The following PHF2 variants were observed in gnomAD, a reference collection of about 807,000 sequenced individuals.
PHF2 encodes lysine-specific demethylase PHF2.
Under a neutral mutation model 120.5 loss-of-function variants are expected in PHF2, and 27 were observed. That is an observed-to-expected ratio of 0.22 (90% CI 0.17 to 0.31). The LOEUF (loss-of-function observed/expected upper bound fraction) is 0.31, where lower values mean the gene tolerates loss of function less well. Ranked by LOEUF, PHF2 falls within the 10% of genes least tolerant of loss-of-function variation. The pLI, the probability that PHF2 is intolerant of heterozygous loss-of-function variation, is 1.00. For missense variants in PHF2, 1,024 were observed against 1,434.8 expected, an observed-to-expected ratio of 0.71 and a Z score of 4.63; for synonymous variants, 568 against 592.5, an observed-to-expected ratio of 0.96 and a Z score of 0.60.
In PHF2 at chr9:93,630,088, C is replaced by T. The variant is rs751425089; in HGVS notation, c.184+33C>T. 91 of 1,593,364 alleles carry T rather than the reference C, an allele frequency of 5.7e-5. No homozygotes were observed. In the East Asian group the frequency reaches 1.6e-3, roughly 27 times the overall value. ...CCGCAGCCCAAGCGGCCATCTCTTG[C>T]GGAAGAGAGCAGCATCCACCCTGCC... On this transcript the variant is annotated intron_variant, in intron 2 of 21. Transcript: ENST00000359246.
In PHF2 at chr9:93,677,016, TG is replaced by T; in HGVS notation, c.3202+56del. On this transcript the variant is annotated intron_variant, in intron 21 of 21. Transcript: ENST00000359246. This position sits in a 1 kb window ranked among gnomAD's most constrained non-coding sequence, Gnocchi z 4.4. Reference sequence around the variant, plus strand: ...AGCCCCCCTGCCCTGCCTGCCCCCATGGGCAGCCCCAGACATGCAGACTCGG... The same window carrying T: ...AGCCCCCCTGCCCTGCCTGCCCCCATGGCAGCCCCAGACATGCAGACTCGG... 1.4e-6 allele frequency: 2 copies of T among 1,457,772 alleles called. No individual in the cohort carries two copies. Among genetic ancestry groups the T allele is most frequent in the Non-Finnish European group, 1.8e-6 (2 of 1,095,658 alleles). The allele number at this position is 1,457,772 out of a possible 1,614,324, so 90.3% of individuals were successfully genotyped here.
chr9:93,617,065 G>A (rs1308711417), intron 1 of PHF2, among the ~76,000 whole-genome samples: 3 of 152,196 alleles, frequency 2.0e-5, no homozygotes, highest in Non-Finnish European at 2.9e-5. Context: ...TGTGCTGTTC[G>A]GGAGATCATT....
Position 93,658,178 on chromosome 9 carries a change from A to T in PHF2, c.1181A>T (p.His394Leu), listed in dbSNP as rs182210348. 1 of 1,613,322 alleles carries T rather than the reference A, an allele frequency of 6.2e-7. No homozygotes were observed. The highest frequency in any genetic ancestry group is 1.7e-5 in the Admixed American group (1 of 59,958). Residue 394 changes from histidine to leucine, a missense_variant, in exon 10 of 22, where the codon CAT becomes CTT. Physicochemically the swap from His to Leu is moderately conservative, Grantham distance 99 (BLOSUM62 -3). Coordinates refer to ENST00000359246, the MANE Select transcript of PHF2 (RefSeq NM_005392.4). ...AAATCTGGGAAGCAGCTGCCCCCTC[A>T]TCTAGTCCAAGGAGCTAAAATTCTC... is the stretch of plus-strand genomic sequence containing the variant. ...SHKSGKQLPP[H>L]LVQGAKILNG...
chr9:93,636,087 G>A (rs1826085064), intron 2 of PHF2, among the ~76,000 whole-genome samples: 3 of 152,152 alleles, frequency 2.0e-5, no homozygotes, highest in Admixed American at 6.5e-5. Context: ...TTCAGGAGGT[G>A]GCTCTCTGGT....
intron 1 of PHF2, among the ~76,000 whole-genome samples, chr9:93,593,734 G>T (rs1211075178): frequency 1.3e-5 from 2 of 152,218 alleles, no homozygotes; most frequent in African/African-American, 4.8e-5. Flanking sequence ...CAGCAGTGAT[G>T]TTTACAGCAA....
At chr9:93,612,745 C>A (rs1825657879) in intron 1 of PHF2, among the ~76,000 whole-genome samples, 1 of 152,080 alleles carries the variant, frequency 6.6e-6, no homozygotes, top group Admixed American at 6.6e-5. Context: ...ATGGTATTGT[C>A]CTGAATTGTT....
intron 19 of PHF2, 64 bp downstream of exon 19, chr9:93,675,086 G>A: frequency 5.3e-6 from 7 of 1,318,432 alleles, no homozygotes; most frequent in Non-Finnish European, 7.6e-6. Flanking sequence ...GACTTTGTCT[G>A]TGGTCCCTCC....
intron 17 of PHF2, among the ~76,000 whole-genome samples, chr9:93,668,874 C>T (rs3829059): frequency 0.062 from 9,431 of 152,316 alleles, 409 homozygotes; most frequent in Non-Finnish European, 0.09. Context: ...CCAAAGTCTC[C>T]CATTTGGAGC....
intron 9 of PHF2, among the ~76,000 whole-genome samples, chr9:93,657,192 G>C (rs1826476723): frequency 6.6e-6 from 1 of 152,198 alleles, no homozygotes; most frequent in African/African-American, 2.4e-5. Flanking sequence ...GCCTGCAGGA[G>C]AGTTTGCATT....
intron 1 of PHF2, among the ~76,000 whole-genome samples, chr9:93,604,747 G>T (rs1367302539): frequency 6.6e-6 from 1 of 152,052 alleles, no homozygotes. Flanking sequence ...ACCGTGCCTG[G>T]CCCAGAATTT....
At chr9:93,601,900 C>T (rs1315371056) in intron 1 of PHF2, among the ~76,000 whole-genome samples, 1 of 149,910 alleles carries the variant, frequency 6.7e-6, no homozygotes. Flanking sequence ...CAGGTTTTCT[C>T]ATGGGGATCT....
At chr9:93,675,529 A>G (rs1043819248) in intron 19 of PHF2, 151 bp from the exon 20 acceptor site, 4 of 624,298 alleles carry the variant, frequency 6.4e-6, no homozygotes, top group African/African-American at 3.7e-5. Context: ...ACCCTGCCCT[A>G]TTGTGAGGCG....
chr9:93,654,700 C>A, intron 7 of PHF2, 125 bp downstream of exon 7: 1 of 926,030 alleles, frequency 1.1e-6, no homozygotes. Context: ...ATGCCTGCTC[C>A]CTTGTCCTGA....
chr9:93,609,559 T>A (rs1332217915), intron 1 of PHF2, among the ~76,000 whole-genome samples: 1 of 152,128 alleles, frequency 6.6e-6, no homozygotes, highest in Non-Finnish European at 1.5e-5. Context: ...GTTGGTTTTT[T>A]TTTTTTTCTT....
chr9:93,675,504 T>C (rs1250898481), intron 19 of PHF2, among the ~76,000 whole-genome samples, 176 bp from the exon 20 acceptor site: 2 of 152,086 alleles, frequency 1.3e-5, no homozygotes, highest in African/African-American at 4.8e-5. Context: ...TCTTCCCCCT[T>C]GGGTGGGGCA....
At chr9:93,587,133 G>T (rs1863060629) in intron 1 of PHF2, among the ~76,000 whole-genome samples, 1 of 152,244 alleles carries the variant, frequency 6.6e-6, no homozygotes, top group Non-Finnish European at 1.5e-5. Flanking sequence ...GCAAGATGGA[G>T]AGAGGCCAGA....
At chr9:93,672,517 T>TAA in intron 17 of PHF2, 1 of 984,568 alleles carries the variant, frequency 1.0e-6, no homozygotes, top group Non-Finnish European at 1.2e-6. Context: ...TGGGTGTAGG[T>TAA]ACAGGTGCAG....
chr9:93,656,033 C>T lies in PHF2; in HGVS notation c.1040+12C>T, dbSNP rs113129271. 5,091 of 1,607,370 alleles carry T rather than the reference C, an allele frequency of 3.2e-3. 90 individuals are homozygous for T. In the African/African-American group the frequency reaches 0.045, roughly 14 times the overall value. Reference sequence around the variant, plus strand: ...GAGATGCAGATGAGGTAGTGCCTGCCGCGCTGTCTGCCCTCGGGCTCCGCA... The same window carrying T: ...GAGATGCAGATGAGGTAGTGCCTGCTGCGCTGTCTGCCCTCGGGCTCCGCA... On this transcript the variant is annotated intron_variant, in intron 8 of 21. Coordinates refer to ENST00000359246, the MANE Select transcript of PHF2 (RefSeq NM_005392.4). This position sits in a 1 kb window ranked among gnomAD's most constrained non-coding sequence, Gnocchi z 4.1.
intron 17 of PHF2, among the ~76,000 whole-genome samples, chr9:93,668,634 G>C (rs573444038): frequency 6.6e-6 from 1 of 152,238 alleles, no homozygotes; most frequent in East Asian, 1.9e-4. Context: ...AGGTGGGGAG[G>C]GTTTTGTGCT....
Sources: gnomAD v4.1 joint callset for allele counts (sites outside exome capture counted in the v4.1 genomes callset) on GRCh38, gnomAD v4.1.1 for gene constraint, Gnocchi (gnomAD v3.1) non-coding constraint, MANE v1.5 for transcripts, NCBI Gene and HGNC (gene_info 2026-07-23, HGNC 2026-07-21) for gene names.